The following GKAP1 variants were observed in gnomAD, a reference collection of about 807,000 sequenced individuals.
GKAP1 encodes G kinase anchoring protein 1.
Under a neutral mutation model 56.7 loss-of-function variants are expected in GKAP1, and 31 were observed. The observed-to-expected ratio is 0.55, with a 90% confidence interval of 0.41 to 0.74. GKAP1 has a LOEUF of 0.74. GKAP1 is among the 30% of genes least tolerant of loss of function. The pLI, the probability that GKAP1 is intolerant of heterozygous loss-of-function variation, is 0.00. For synonymous variants in GKAP1, 151 were observed against 138.6 expected, an observed-to-expected ratio of 1.09 and a Z score of -0.63; for missense variants, 364 against 402.3, an observed-to-expected ratio of 0.90 and a Z score of 0.82.
Position 83,794,308 on chromosome 9 carries a change from C to T in GKAP1, c.360+4877G>A, listed in dbSNP as rs569265475. On this transcript the variant is annotated intron_variant, in intron 4 of 12. Coordinates refer to ENST00000376371, the MANE Select transcript of GKAP1 (RefSeq NM_025211.4). Reference sequence around the variant, plus strand: ...TTTCCAGAACAACTACTAAGTAATGCTTTCCAGCATAAAAGTGATTAATTT... The same window carrying T: ...TTTCCAGAACAACTACTAAGTAATGTTTTCCAGCATAAAAGTGATTAATTT... Among the ~76,000 whole-genome samples, 3 of 152,270 alleles carry T rather than the reference C, an allele frequency of 2.0e-5. No homozygotes were observed. In the East Asian group the frequency reaches 5.8e-4, roughly 29 times the overall value.
intron 3 of GKAP1, among the ~76,000 whole-genome samples, chr9:83,805,478 AT>A (rs1938440835): frequency 6.6e-6 from 1 of 151,526 alleles, no homozygotes; most frequent in African/African-American, 2.4e-5. Flanking sequence ...AAAATAAAAA[AT>A]AAAAAAAAAA....
intron 3 of GKAP1, among the ~76,000 whole-genome samples, chr9:83,800,535 T>C (rs1405524843): frequency 1.3e-5 from 2 of 152,112 alleles, no homozygotes; most frequent in East Asian, 1.9e-4. Context: ...GTTTTCACCA[T>C]GTTGGCCAGG....
chr9:83,745,272 G>A (rs936489470), intron 10 of GKAP1, among the ~76,000 whole-genome samples: 5 of 152,142 alleles, frequency 3.3e-5, no homozygotes, highest in African/African-American at 1.2e-4. Context: ...GGGCTCAAGC[G>A]ATCCACCTGT....
intron 2 of GKAP1, among the ~76,000 whole-genome samples, chr9:83,811,549 A>C (rs775242874): frequency 1.3e-5 from 2 of 152,200 alleles, no homozygotes; most frequent in Non-Finnish European, 2.9e-5. Context: ...ACCAATGACA[A>C]ACACTCAAAA....
chr9:83,796,044 T>C (rs985997579), intron 4 of GKAP1, among the ~76,000 whole-genome samples: 4 of 152,348 alleles, frequency 2.6e-5, no homozygotes, highest in Non-Finnish European at 4.4e-5. Flanking sequence ...TAGAATCTAA[T>C]TCTTAAAACG....
intron 6 of GKAP1, 104 bp downstream of exon 6, chr9:83,784,611 A>G (rs1270336474): frequency 2.3e-6 from 2 of 854,208 alleles, no homozygotes; most frequent in Non-Finnish European, 3.5e-6. Flanking sequence ...TGATACATGA[A>G]TAACTTTTAC....
chr9:83,762,440 G>A (rs1943589637), intron 8 of GKAP1, among the ~76,000 whole-genome samples: 1 of 152,064 alleles, frequency 6.6e-6, no homozygotes, highest in Non-Finnish European at 1.5e-5. Flanking sequence ...ATGTTCATGG[G>A]TTAGAAGAAT....
chr9:83,803,861 C>A (rs1267215009), intron 3 of GKAP1, among the ~76,000 whole-genome samples: 2 of 150,818 alleles, frequency 1.3e-5, no homozygotes, highest in African/African-American at 2.4e-5. Flanking sequence ...CGTTTCTGCC[C>A]GGCCGCCCAT....
chr9:83,811,346 A>G (rs1944503129), intron 2 of GKAP1, among the ~76,000 whole-genome samples: 1 of 152,228 alleles, frequency 6.6e-6, no homozygotes, highest in African/African-American at 2.4e-5. Context: ...CAAAGACCTA[A>G]AGATTACACA....
intron 4 of GKAP1, among the ~76,000 whole-genome samples, chr9:83,791,977 T>C (rs1403978192): frequency 6.6e-6 from 1 of 152,198 alleles, no homozygotes; most frequent in Non-Finnish European, 1.5e-5. Flanking sequence ...CTAAGGAAAG[T>C]CATTCTGACA....
At chr9:83,776,820 T>A (rs1034499889) in intron 7 of GKAP1, among the ~76,000 whole-genome samples, 2 of 152,246 alleles carry the variant, frequency 1.3e-5, no homozygotes, top group Non-Finnish European at 2.9e-5. Flanking sequence ...TATCATAATT[T>A]TAGAAATCAA....
At chr9:83,809,374 G>A (rs768561574) in intron 2 of GKAP1, among the ~76,000 whole-genome samples, 2 of 152,156 alleles carry the variant, frequency 1.3e-5, no homozygotes, top group African/African-American at 2.4e-5. Flanking sequence ...CTCCTCAGTG[G>A]GTAGCTCCTG....
intron 8 of GKAP1, among the ~76,000 whole-genome samples, chr9:83,758,863 A>C (rs1943521441): frequency 6.6e-6 from 1 of 152,226 alleles, no homozygotes; most frequent in Non-Finnish European, 1.5e-5. Context: ...GGAAAGCAGA[A>C]GAGCTTTCTT....
chr9:83,810,682 G>C (rs910667673), intron 2 of GKAP1, among the ~76,000 whole-genome samples: 2 of 152,294 alleles, frequency 1.3e-5, no homozygotes, highest in African/African-American at 4.8e-5. Flanking sequence ...ACTACTTAAC[G>C]TAAGTACTTG....
At chr9:83,779,448 T>TATATAC (rs1554742273) in intron 7 of GKAP1, among the ~76,000 whole-genome samples, 9 of 119,594 alleles carry the variant, frequency 7.5e-5, no homozygotes, top group African/African-American at 2.8e-4. Flanking sequence ...TATATATATA[T>TATATAC]ACACACACAC....
Position 83,801,257 on chromosome 9 carries a change from G to A in GKAP1, c.217-1929C>T, listed in dbSNP as rs1162662137. ...GCCATGGATTGACAGCTGCCACCCA[G>A]AAGCTAGAAGAGGCATGGAAAGATT... is the stretch of plus-strand genomic sequence containing the variant. On this transcript the variant is annotated intron_variant, in intron 3 of 12. Transcript: ENST00000376371. Among the ~76,000 whole-genome samples the A allele has an allele frequency of 5.3e-5, 8 of 152,282 alleles. No individual in the cohort carries two copies. In the East Asian group the frequency reaches 1.5e-3, roughly 29 times the overall value.
chr9:83,803,425 G>A (rs980677142), intron 3 of GKAP1, among the ~76,000 whole-genome samples: 6 of 152,170 alleles, frequency 3.9e-5, no homozygotes, highest in South Asian at 2.1e-4. Flanking sequence ...ACTGGTTTTC[G>A]TACTTTTTTG....
chr9:83,781,588 A>T (rs1943972655), intron 6 of GKAP1, among the ~76,000 whole-genome samples: 1 of 152,194 alleles, frequency 6.6e-6, no homozygotes, highest in Non-Finnish European at 1.5e-5. Context: ...CCAACTTTAG[A>T]TCAAACTACC....
chr9:83,759,613 T>A (rs1455540465), intron 8 of GKAP1, among the ~76,000 whole-genome samples: 1 of 152,160 alleles, frequency 6.6e-6, no homozygotes, highest in African/African-American at 2.4e-5. Context: ...TTTTGAACAT[T>A]TTTTTTGGAC....
Sources: gnomAD v4.1 joint callset for allele counts (sites outside exome capture counted in the v4.1 genomes callset) on GRCh38, gnomAD v4.1.1 for gene constraint, MANE v1.5 for transcripts, NCBI Gene and HGNC (gene_info 2026-07-23, HGNC 2026-07-21) for gene names.